The following FOXP1 variants were observed in gnomAD, a reference collection of about 807,000 sequenced individuals.
FOXP1 encodes the protein forkhead box P1.
In FOXP1, 15 loss-of-function variants were observed where a neutral mutation model predicts 98.2. The observed-to-expected ratio is 0.15, with a 90% confidence interval of 0.10 to 0.24. The LOEUF (loss-of-function observed/expected upper bound fraction) is 0.24, where lower values mean the gene tolerates loss of function less well. FOXP1 is among the 10% of genes least tolerant of loss of function. The pLI, the probability that FOXP1 is intolerant of heterozygous loss-of-function variation, is 1.00. For missense variants in FOXP1, 633 were observed against 848.5 expected, an observed-to-expected ratio of 0.75 and a Z score of 3.15; for synonymous variants, 371 against 314.5, an observed-to-expected ratio of 1.18 and a Z score of -1.90.
At chr3:71,288,996 T>C (rs1373061426) in intron 5 of FOXP1, among the ~76,000 whole-genome samples, 1 of 151,826 alleles carries the variant, frequency 6.6e-6, no homozygotes, top group Non-Finnish European at 1.5e-5. Flanking sequence ...TTGGCAGAAT[T>C]TGATATGGCT....
chr3:71,222,937 A>C (rs1285699310), intron 5 of FOXP1, among the ~76,000 whole-genome samples: 1 of 152,152 alleles, frequency 6.6e-6, no homozygotes, highest in Non-Finnish European at 1.5e-5. Flanking sequence ...AACTCCTTTG[A>C]TGTTCAGTCT....
chr3:71,262,205 G>T (rs1316308048), intron 5 of FOXP1, among the ~76,000 whole-genome samples: 5 of 134,400 alleles, frequency 3.7e-5, no homozygotes, highest in South Asian at 2.5e-4. Context: ...GGTGGAGGTT[G>T]CAGTGAGCCA....
chr3:71,367,067 C>T (rs1004941568), intron 3 of FOXP1, among the ~76,000 whole-genome samples: 4 of 152,156 alleles, frequency 2.6e-5, no homozygotes, highest in African/African-American at 4.8e-5. Flanking sequence ...AAACAAAATA[C>T]ATCTTGATCA....
chr3:71,580,987 A>G, intron 2 of FOXP1: 1 of 985,360 alleles, frequency 1.0e-6, no homozygotes, highest in Non-Finnish European at 1.2e-6. Flanking sequence ...AGTGGACTGC[A>G]TAAGGTCAAA....
At chr3:71,516,187 G>A (rs1297565045) in intron 2 of FOXP1, among the ~76,000 whole-genome samples, 2 of 152,062 alleles carry the variant, frequency 1.3e-5, no homozygotes, top group Admixed American at 6.6e-5. Context: ...GTAAAATAAC[G>A]GCCTTGTAAG....
At chr3:71,182,943 C>A (rs1466165659) in intron 6 of FOXP1, among the ~76,000 whole-genome samples, 2 of 151,442 alleles carry the variant, frequency 1.3e-5, no homozygotes, top group African/African-American at 4.9e-5. Context: ...GCAATCATTA[C>A]ATTATGATAA....
At chr3:71,264,369 C>G (rs2069440645) in intron 5 of FOXP1, among the ~76,000 whole-genome samples, 1 of 152,036 alleles carries the variant, frequency 6.6e-6, no homozygotes, top group Non-Finnish European at 1.5e-5. Context: ...TTCACAAGAC[C>G]CAAGGCTTAT....
intron 2 of FOXP1, among the ~76,000 whole-genome samples, chr3:71,518,539 G>A (rs1169623627): frequency 6.6e-6 from 1 of 152,122 alleles, no homozygotes; most frequent in East Asian, 1.9e-4. Flanking sequence ...GAGTGTTTGT[G>A]TAAGTGATAT....
At chr3:71,417,504 AT>A (rs2083304623) in intron 3 of FOXP1, among the ~76,000 whole-genome samples, 1 of 152,174 alleles carries the variant, frequency 6.6e-6, no homozygotes, top group Admixed American at 6.5e-5. Context: ...ATAATAGACC[AT>A]CCACACAAGA....
At chr3:71,159,104 CAAAAAAAAAAA>C (rs34653634) in intron 6 of FOXP1, among the ~76,000 whole-genome samples, 1 of 78,002 alleles carries the variant, frequency 1.3e-5, no homozygotes, top group Non-Finnish European at 2.5e-5. Context: ...AACCCTATCT[CAAAAAAAAAAA>C]AAAAAAAAAA....
At chr3:71,536,135 T>C (rs915144255) in intron 2 of FOXP1, among the ~76,000 whole-genome samples, 7 of 152,144 alleles carry the variant, frequency 4.6e-5, no homozygotes, top group African/African-American at 1.7e-4. Context: ...AGGTGCCTCA[T>C]GTCCTGAAGG....
intron 2 of FOXP1, among the ~76,000 whole-genome samples, chr3:71,566,715 T>C (rs1386322983): frequency 1.3e-5 from 2 of 152,188 alleles, no homozygotes; most frequent in East Asian, 3.9e-4. Flanking sequence ...TCAATGCTGT[T>C]CTCTGGAAAA....
At chr3:71,466,758 G>T (rs181147502) in intron 3 of FOXP1, among the ~76,000 whole-genome samples, 1 of 152,298 alleles carries the variant, frequency 6.6e-6, no homozygotes, top group African/African-American at 2.4e-5. Flanking sequence ...CCATCGGGAA[G>T]GTCACAAAGA....
At chr3:70,962,271 C>T (rs1252306864) in intron 20 of FOXP1, among the ~76,000 whole-genome samples, 2 of 152,142 alleles carry the variant, frequency 1.3e-5, no homozygotes, top group Non-Finnish European at 2.9e-5. Flanking sequence ...TTCTCTTTCT[C>T]TTTTACTGTT....
intron 3 of FOXP1, among the ~76,000 whole-genome samples, chr3:71,446,081 G>A (rs997734290): frequency 1.5e-5 from 2 of 129,322 alleles, no homozygotes; most frequent in African/African-American, 5.8e-5. Flanking sequence ...GAGTGAGTGA[G>A]TGAATGAATT....
intron 3 of FOXP1, among the ~76,000 whole-genome samples, chr3:71,390,955 C>T (rs1456566962): frequency 1.3e-5 from 2 of 152,164 alleles, no homozygotes; most frequent in East Asian, 3.9e-4. Context: ...CAGGCAAAAT[C>T]CTTTTCAAAG....
At chr3:71,446,337 C>T (rs2086441289) in intron 3 of FOXP1, among the ~76,000 whole-genome samples, 3 of 151,876 alleles carry the variant, frequency 2.0e-5, no homozygotes, top group African/African-American at 7.3e-5. Context: ...TGTTGGCAGC[C>T]CAGGAGGAAA....
intron 3 of FOXP1, among the ~76,000 whole-genome samples, chr3:71,445,457 C>A (rs1358890147): frequency 6.6e-6 from 1 of 151,992 alleles, no homozygotes; most frequent in Non-Finnish European, 1.5e-5. Flanking sequence ...TGAGCTCTGT[C>A]CAGAGCTTCT....
chr3:71,138,344 T>A (rs2059917455), intron 6 of FOXP1, among the ~76,000 whole-genome samples: 1 of 152,150 alleles, frequency 6.6e-6, no homozygotes, highest in South Asian at 2.1e-4. Context: ...TACATCATTA[T>A]CAAAAATGGA....
Sources: allele counts gnomAD v4.1 joint callset (sites outside exome capture counted in the v4.1 genomes callset), GRCh38; gene constraint gnomAD v4.1.1; transcripts MANE v1.5; gene names NCBI Gene and HGNC (gene_info 2026-07-23, HGNC 2026-07-21).